The following CDH13 variants were observed in gnomAD, a reference collection of about 807,000 sequenced individuals.
CDH13 encodes cadherin-13.
In CDH13, 24 loss-of-function variants were observed where a neutral mutation model predicts 63.8. The ratio of observed to expected loss-of-function variants is 0.38; its 90% confidence interval spans 0.27 to 0.53. The LOEUF is 0.53. CDH13 is among the 20% of genes least tolerant of loss of function. The pLI, the probability that CDH13 is intolerant of heterozygous loss-of-function variation, is 0.85. For synonymous variants in CDH13, 503 were observed against 355.3 expected (o/e 1.42, Z -4.67); for missense variants, 1,049 against 903.1 (o/e 1.16, Z -2.07).
intron 7 of CDH13, among the ~76,000 whole-genome samples, chr16:83,493,026 T>C (rs924397228): frequency 3.3e-5 from 5 of 151,448 alleles, no homozygotes; most frequent in African/African-American, 1.2e-4. Flanking sequence ...TGTTGTTGTT[T>C]TTGGTTTTTT....
chr16:82,810,828 C>A (rs2037404706), intron 1 of CDH13, among the ~76,000 whole-genome samples: 1 of 151,858 alleles, frequency 6.6e-6, no homozygotes, highest in Non-Finnish European at 1.5e-5. Context: ...TGCTTTCATC[C>A]TAAGAAGAGT....
At chr16:83,439,658 T>A (rs1486270288) in intron 6 of CDH13, among the ~76,000 whole-genome samples, 4 of 152,202 alleles carry the variant, frequency 2.6e-5, no homozygotes, top group African/African-American at 9.6e-5. Context: ...CTGTCTGTGT[T>A]CATGCATAAT....
At chr16:82,978,975 G>A (rs1909898134) in intron 2 of CDH13, among the ~76,000 whole-genome samples, 1 of 152,192 alleles carries the variant, frequency 6.6e-6, no homozygotes, top group African/African-American at 2.4e-5. Context: ...AAAGCCACAG[G>A]GGTGGAGCTG....
At chr16:82,927,165 A>G (rs1216709043) in intron 2 of CDH13, among the ~76,000 whole-genome samples, 1 of 152,142 alleles carries the variant, frequency 6.6e-6, no homozygotes, top group Non-Finnish European at 1.5e-5. Flanking sequence ...AGGTGGTGCC[A>G]AGAGTGAGCA....
At chr16:83,387,726 A>G (rs999012262) in intron 6 of CDH13, among the ~76,000 whole-genome samples, 2 of 152,198 alleles carry the variant, frequency 1.3e-5, no homozygotes, top group Non-Finnish European at 2.9e-5. Context: ...GGCGAAGTGG[A>G]CAATGGGGAC....
intron 1 of CDH13, among the ~76,000 whole-genome samples, chr16:82,735,479 G>T (rs540515280): frequency 6.6e-6 from 1 of 152,186 alleles, no homozygotes; most frequent in African/African-American, 2.4e-5. Context: ...CTAGAGTATC[G>T]CCTTGGATTT....
intron 1 of CDH13, among the ~76,000 whole-genome samples, chr16:82,819,341 C>T (rs1308355933): frequency 6.6e-6 from 1 of 152,184 alleles, no homozygotes; most frequent in African/African-American, 2.4e-5. Context: ...GACAGTGACA[C>T]AGATTCTAGT....
In CDH13 at chr16:82,885,676, C is replaced by G. The variant is rs141457873; in HGVS notation, c.157+27203C>G. Among the ~76,000 whole-genome samples, 494 of 152,210 alleles carry G rather than the reference C, an allele frequency of 3.2e-3. 3 individuals carry two copies. The highest frequency in any genetic ancestry group is 0.011 in the African/African-American group (444 of 41,530). ...TCATCCTGGGAAGAAATAATAGTAT[C>G]TTTAAAATGTAGTGCATTGGTTACA... is the stretch of plus-strand genomic sequence containing the variant. On this transcript the variant is annotated intron_variant, in intron 2 of 13. Transcript: ENST00000567109.
rs77939803 is a variant in CDH13 at position 83,771,964 on chromosome 16, T to C, written c.1682-8004T>C. Among the ~76,000 whole-genome samples the C allele has an allele frequency of 2.2e-3, 339 of 152,284 alleles. 4 individuals carry two copies. The highest frequency in any genetic ancestry group is 7.7e-3 in the African/African-American group (322 of 41,558). The stretch of plus-strand genomic sequence containing the variant: ...ACATGTCTTTCTAATAAGAAGTCAA[T>C]GACACAAGAGAAAAGAGATTCCTGC... On this transcript the variant is annotated intron_variant, in intron 11 of 13. Coordinates refer to ENST00000567109, the MANE Select transcript of CDH13 (RefSeq NM_001257.5).
chr16:82,756,883 T>C (rs2034631502), intron 1 of CDH13, among the ~76,000 whole-genome samples: 1 of 152,208 alleles, frequency 6.6e-6, no homozygotes, highest in South Asian at 2.1e-4. Flanking sequence ...CACTAGTTTA[T>C]ATTATTTTAT....
chr16:83,332,885 GA>G (rs747876891), intron 5 of CDH13, among the ~76,000 whole-genome samples: 1 of 151,958 alleles, frequency 6.6e-6, no homozygotes, highest in Non-Finnish European at 1.5e-5. Flanking sequence ...ATACACATAA[GA>G]AAAAATGTTT....
At chr16:82,911,234 A>G (rs901777567) in intron 2 of CDH13, among the ~76,000 whole-genome samples, 1 of 152,242 alleles carries the variant, frequency 6.6e-6, no homozygotes, top group Admixed American at 6.5e-5. Context: ...TGTAAGGCAT[A>G]ATGTGGTCTG....
intron 1 of CDH13, among the ~76,000 whole-genome samples, chr16:82,849,650 A>T (rs1475588343): frequency 1.3e-5 from 2 of 152,370 alleles, no homozygotes; most frequent in South Asian, 2.1e-4. Context: ...AAACATTCTT[A>T]TACTGGATGA....
At chr16:82,733,811 C>T (rs2033527250) in intron 1 of CDH13, among the ~76,000 whole-genome samples, 1 of 152,214 alleles carries the variant, frequency 6.6e-6, no homozygotes, top group African/African-American at 2.4e-5. Context: ...AAAACAAAAA[C>T]TGGATAAAAT....
intron 7 of CDH13, among the ~76,000 whole-genome samples, chr16:83,553,550 T>C (rs987369979): frequency 2.0e-5 from 3 of 152,284 alleles, no homozygotes; most frequent in African/African-American, 7.2e-5. Flanking sequence ...GATGGGTTTT[T>C]TTTGTTGTTG....
intron 1 of CDH13, among the ~76,000 whole-genome samples, chr16:82,672,794 C>G (rs1377033406): frequency 6.7e-6 from 1 of 148,556 alleles, no homozygotes; most frequent in African/African-American, 2.5e-5. Flanking sequence ...CACACACACA[C>G]ACACACATAC....
chr16:83,012,049 G>C (rs779046235), intron 2 of CDH13, among the ~76,000 whole-genome samples: 4 of 152,144 alleles, frequency 2.6e-5, no homozygotes, highest in African/African-American at 9.7e-5. Flanking sequence ...GACTAGGTCT[G>C]TGTTACCCAG....
chr16:82,867,855 A>G (rs1217274250), intron 2 of CDH13, among the ~76,000 whole-genome samples: 1 of 152,172 alleles, frequency 6.6e-6, no homozygotes, highest in Non-Finnish European at 1.5e-5. Flanking sequence ...ACAGGTGGAG[A>G]ATTGCCTGTT....
chr16:83,182,611 G>A (rs1296254624), intron 4 of CDH13, among the ~76,000 whole-genome samples: 2 of 152,200 alleles, frequency 1.3e-5, no homozygotes, highest in Admixed American at 6.5e-5. Context: ...CAAAAGGATT[G>A]TGTTTAAGAA....
Sources: allele counts gnomAD v4.1 joint callset (sites outside exome capture counted in the v4.1 genomes callset), GRCh38; gene constraint gnomAD v4.1.1; transcripts MANE v1.5; gene names NCBI Gene and HGNC (gene_info 2026-07-23, HGNC 2026-07-21).